MANBA: variants seen among roughly 807,000 people sequenced by gnomAD.
MANBA encodes the protein beta-mannosidase.
MANBA carries 83 observed loss-of-function variants against 111.1 expected under a neutral mutation model. The observed-to-expected ratio is 0.75, with a 90% CI of 0.63 to 0.90. MANBA has a LOEUF of 0.90. Among genes scored for constraint, MANBA ranks in the 40% least tolerant of loss-of-function variants. The pLI is 0.00. For missense variants in MANBA, 1,036 were observed against 1,069.0 expected, an observed-to-expected ratio of 0.97 and a Z score of 0.43; for synonymous variants, 370 against 378.7, an observed-to-expected ratio of 0.98 and a Z score of 0.27.
intron 13 of MANBA, among the ~76,000 whole-genome samples, chr4:102,646,573 C>A (rs535599076): frequency 6.6e-6 from 1 of 152,246 alleles, no homozygotes; most frequent in Admixed American, 6.6e-5. Context: ...AAGCTAAGGG[C>A]TTGGTAATTA....
At chr4:102,694,505 C>T (rs1182324796) in intron 5 of MANBA, among the ~76,000 whole-genome samples, 1 of 152,120 alleles carries the variant, frequency 6.6e-6, no homozygotes, top group African/African-American at 2.4e-5. Context: ...AATTAAGCCC[C>T]ATTTCTAGAA....
rs750688426 is a variant in MANBA at position 102,635,003 on chromosome 4, G to A, written c.2200C>T (p.Arg734Cys). 9 of 1,614,158 alleles carry A rather than the reference G, an allele frequency of 5.6e-6. No homozygotes were observed. Among genetic ancestry groups the A allele is most frequent in the Admixed American group, 3.3e-5 (2 of 60,032 alleles). ...TWSSLEPVCS[R>C]VTERFVMKGG... Reference sequence around the variant, plus strand: ...TTCATCACAAAACGTTCAGTCACACGAGAGCACACGGGCTCCAGGGAGCTC... The same window carrying A: ...TTCATCACAAAACGTTCAGTCACACAAGAGCACACGGGCTCCAGGGAGCTC... The change falls in exon 16 of 17, where the codon CGT (arginine) becomes TGT (cysteine). Residue 734 changes from arginine (R) to cysteine (C), a missense_variant. Coordinates refer to ENST00000647097, the MANE Select transcript of MANBA (RefSeq NM_005908.4).
chr4:102,749,805 G>C (rs1723720954), intron 1 of MANBA, among the ~76,000 whole-genome samples: 1 of 152,188 alleles, frequency 6.6e-6, no homozygotes, highest in African/African-American at 2.4e-5. Flanking sequence ...ACATGAAAAT[G>C]AATTGTATAG....
At chr4:102,633,181 A>AAAC in intron 16 of MANBA, 1 of 397,880 alleles carries the variant, frequency 2.5e-6, no homozygotes, top group Non-Finnish European at 4.4e-6. Flanking sequence ...AGCTTAATAA[A>AAAC]GCGTATCAGG....
chr4:102,725,439 G>A (rs1357611270), intron 2 of MANBA, among the ~76,000 whole-genome samples: 2 of 152,062 alleles, frequency 1.3e-5, no homozygotes, highest in Admixed American at 6.6e-5. Flanking sequence ...ATTTGGGCTG[G>A]GGAGCTAAGG....
intron 5 of MANBA, among the ~76,000 whole-genome samples, chr4:102,706,629 A>T (rs1191793686): frequency 6.6e-6 from 1 of 152,202 alleles, no homozygotes; most frequent in African/African-American, 2.4e-5. Context: ...ATGAAATCCC[A>T]TATAAAGAAT....
intron 1 of MANBA, chr4:102,728,882 G>C: frequency 2.6e-6 from 2 of 773,908 alleles, no homozygotes; most frequent in Non-Finnish European, 4.5e-6. Context: ...GCTGGGGCTT[G>C]GGAGGCCCCC....
At chr4:102,718,703 C>T (rs112438015) in intron 4 of MANBA, among the ~76,000 whole-genome samples, 1 of 152,140 alleles carries the variant, frequency 6.6e-6, no homozygotes, top group Non-Finnish European at 1.5e-5. Context: ...AACCAGCCCC[C>T]AATATTTCAA....
chr4:102,751,235 T>G (rs1723777648), intron 1 of MANBA, among the ~76,000 whole-genome samples: 1 of 152,164 alleles, frequency 6.6e-6, no homozygotes, highest in African/African-American at 2.4e-5. Flanking sequence ...TTAGAAAGAA[T>G]GATTGTGGGT....
intron 7 of MANBA, among the ~76,000 whole-genome samples, chr4:102,682,018 G>A (rs111899970): frequency 1.3e-5 from 2 of 151,748 alleles, no homozygotes; most frequent in South Asian, 2.1e-4. Context: ...ATGGTGGTGC[G>A]TGCCTGCAAT....
chr4:102,725,414 C>A (rs17033226), intron 2 of MANBA, among the ~76,000 whole-genome samples: 1 of 151,810 alleles, frequency 6.6e-6, no homozygotes, highest in Non-Finnish European at 1.5e-5. Flanking sequence ...TTTAGGTAAT[C>A]GACTCATATG....
chr4:102,753,370 C>T (rs575407894), intron 1 of MANBA, among the ~76,000 whole-genome samples: 1 of 152,054 alleles, frequency 6.6e-6, no homozygotes, highest in South Asian at 2.1e-4. Context: ...ATCCAATGAA[C>T]ACTACATAAA....
chr4:102,657,209 G>A (rs1273900984), intron 12 of MANBA, among the ~76,000 whole-genome samples: 1 of 110,648 alleles, frequency 9.0e-6, no homozygotes, highest in Non-Finnish European at 1.8e-5. Flanking sequence ...AAGAGGGAGA[G>A]AGAGGAGTGG....
chr4:102,688,352 CAT>C (rs1157999899), intron 7 of MANBA, among the ~76,000 whole-genome samples: 4 of 149,584 alleles, frequency 2.7e-5, no homozygotes, highest in Admixed American at 1.3e-4. Flanking sequence ...CTCACACACA[CAT>C]ACACACTCTT....
At chr4:102,709,403 A>G (rs1040214653) in intron 5 of MANBA, among the ~76,000 whole-genome samples, 2 of 101,372 alleles carry the variant, frequency 2.0e-5, no homozygotes, top group African/African-American at 6.4e-5. Flanking sequence ...AGAAAGAAAA[A>G]AAAGAAAGAA....
chr4:102,650,515 T>C, intron 13 of MANBA, 22 bp downstream of exon 13: 1 of 1,592,864 alleles, frequency 6.3e-7, no homozygotes, highest in Non-Finnish European at 8.6e-7. Context: ...ACCTGTTCAA[T>C]TCTAGAATGA....
intron 11 of MANBA, chr4:102,659,121 T>C (rs1045577475): frequency 2.6e-5 from 4 of 152,170 alleles, no homozygotes; most frequent in African/African-American, 9.7e-5. Flanking sequence ...CAAATCTCTT[T>C]TGAGTATTTC....
intron 7 of MANBA, among the ~76,000 whole-genome samples, chr4:102,688,921 T>C (rs1309510518): frequency 2.6e-5 from 4 of 152,164 alleles, no homozygotes; most frequent in Admixed American, 2.6e-4. Flanking sequence ...GGGCAAGAGG[T>C]CTTATTTTTC....
intron 13 of MANBA, among the ~76,000 whole-genome samples, chr4:102,649,842 T>C (rs1464634342): frequency 6.6e-6 from 1 of 152,192 alleles, no homozygotes; most frequent in African/African-American, 2.4e-5. Context: ...TATTCCATGT[T>C]TTCTCGAAGC....
Sources: allele counts gnomAD v4.1 joint callset (sites outside exome capture counted in the v4.1 genomes callset), GRCh38; gene constraint gnomAD v4.1.1; transcripts MANE v1.5; gene names NCBI Gene and HGNC (gene_info 2026-07-23, HGNC 2026-07-21).